ZNF407: variants seen among roughly 807,000 people sequenced by gnomAD.
ZNF407 encodes zinc finger protein 407.
ZNF407 carries 17 observed loss-of-function variants against 131.2 expected under a neutral mutation model. The observed-to-expected ratio is 0.13, with a 90% CI of 0.09 to 0.19. The LOEUF (loss-of-function observed/expected upper bound fraction) is 0.19, where lower values mean the gene tolerates loss of function less well. Among genes scored for constraint, ZNF407 ranks in the 10% least tolerant of loss-of-function variants. The pLI is 1.00. For missense variants in ZNF407, 2,681 were observed against 2,830.6 expected (o/e 0.95, Z 1.20); for synonymous variants, 1,156 against 1,062.0 (o/e 1.09, Z -1.72).
At chr18:74,806,044 C>T (rs961230263) in intron 4 of ZNF407, among the ~76,000 whole-genome samples, 1 of 152,092 alleles carries the variant, frequency 6.6e-6, no homozygotes, top group African/African-American at 2.4e-5. Context: ...AATGATTTAT[C>T]CTTATACACT....
At chr18:74,835,153 G>A (rs1970537555) in intron 4 of ZNF407, among the ~76,000 whole-genome samples, 1 of 152,082 alleles carries the variant, frequency 6.6e-6, no homozygotes, top group Non-Finnish European at 1.5e-5. Flanking sequence ...TCCTGACCTG[G>A]GAGACAGCAA....
intron 1 of ZNF407, among the ~76,000 whole-genome samples, chr18:74,629,511 T>C (rs1983951615): frequency 6.6e-6 from 1 of 152,230 alleles, no homozygotes; most frequent in Non-Finnish European, 1.5e-5. Context: ...ACTTTCTTGA[T>C]AGTGGCTTTT....
At chr18:74,766,277 G>A (rs1041385227) in intron 3 of ZNF407, among the ~76,000 whole-genome samples, 2 of 152,184 alleles carry the variant, frequency 1.3e-5, no homozygotes, top group African/African-American at 4.8e-5. Context: ...CCACAGGCAT[G>A]AGTGGGAGCT....
chr18:74,649,456 G>A (rs1462334339), intron 3 of ZNF407, among the ~76,000 whole-genome samples: 2 of 152,166 alleles, frequency 1.3e-5, no homozygotes, highest in Non-Finnish European at 2.9e-5. Context: ...TTTTTACATT[G>A]TGGCTAGGGA....
At chr18:74,923,531 G>A (rs1288368192) in intron 8 of ZNF407, among the ~76,000 whole-genome samples, 1 of 152,062 alleles carries the variant, frequency 6.6e-6, no homozygotes, top group Non-Finnish European at 1.5e-5. Context: ...TGTTTAGTTT[G>A]TTCACTGTGT....
intron 3 of ZNF407, among the ~76,000 whole-genome samples, chr18:74,710,283 T>C (rs910432154): frequency 6.6e-6 from 1 of 152,230 alleles, no homozygotes; most frequent in African/African-American, 2.4e-5. Context: ...ACCTCTCTAG[T>C]GTAGCATGAG....
Position 74,607,450 on chromosome 18 carries a change from A to G in ZNF407, c.-54+9513A>G, listed in dbSNP as rs534090314. ...CTAGTTCTTTAATTTTATGTTAGAA[A>G]AAAGAAATGCACATAGTGATTAGAT... On this transcript the variant is annotated intron_variant, in intron 1 of 8. Transcript: ENST00000299687. Among the ~76,000 whole-genome samples the G allele has an allele frequency of 4.6e-5, 7 of 152,072 alleles. No individual in the cohort carries two copies. The East Asian group carries it at 1.3e-3, about 29-fold the overall frequency.
At chr18:75,007,729 A>C (rs2122174252) in intron 8 of ZNF407, among the ~76,000 whole-genome samples, 1 of 152,296 alleles carries the variant, frequency 6.6e-6, no homozygotes, top group East Asian at 1.9e-4. Flanking sequence ...AGGTCCATAG[A>C]ATAAAGGAAA....
chr18:74,872,998 ACTTAC>A (rs34508944), intron 4 of ZNF407, among the ~76,000 whole-genome samples: 3,983 of 152,262 alleles, frequency 0.026, 164 homozygotes, highest in African/African-American at 0.089. Flanking sequence ...TTTTTAGGAT[ACTTAC>A]CTTAGTAATG....
intron 8 of ZNF407, among the ~76,000 whole-genome samples, chr18:75,034,264 A>G (rs1192886943): frequency 6.7e-6 from 1 of 149,042 alleles, no homozygotes; most frequent in Non-Finnish European, 1.5e-5. Flanking sequence ...TTTGATCTAT[A>G]CCAAAATAAC....
chr18:74,975,960 G>A (rs111300274), intron 8 of ZNF407, among the ~76,000 whole-genome samples: 18 of 152,264 alleles, frequency 1.2e-4, no homozygotes, highest in South Asian at 4.2e-4. Context: ...ATTGTCTCTC[G>A]TTCAGCTAAC....
chr18:75,038,334 GT>G (rs1022357189), intron 8 of ZNF407, among the ~76,000 whole-genome samples: 1 of 151,764 alleles, frequency 6.6e-6, no homozygotes, highest in Admixed American at 6.6e-5. Flanking sequence ...AGTGTCTGAG[GT>G]TTTTTTTTCC....
chr18:75,029,162 T>C (rs1011995822), intron 8 of ZNF407, among the ~76,000 whole-genome samples: 3 of 152,198 alleles, frequency 2.0e-5, no homozygotes, highest in Middle Eastern at 3.2e-3. Flanking sequence ...ATGCTTTCCA[T>C]GTTCTGCTTG....
chr18:74,792,200 AC>A (rs1156980874), intron 4 of ZNF407, among the ~76,000 whole-genome samples: 2 of 152,256 alleles, frequency 1.3e-5, no homozygotes, highest in South Asian at 2.1e-4. Flanking sequence ...TTTTAAAAAA[AC>A]ATTCAAGAGC....
intron 8 of ZNF407, among the ~76,000 whole-genome samples, chr18:74,923,262 C>T (rs1369973712): frequency 4.0e-5 from 6 of 149,122 alleles, no homozygotes; most frequent in South Asian, 2.1e-4. Flanking sequence ...TATTTGTAAA[C>T]GTAATATTCC....
intron 3 of ZNF407, among the ~76,000 whole-genome samples, chr18:74,689,445 A>G (rs1034105690): frequency 6.6e-6 from 1 of 152,210 alleles, no homozygotes; most frequent in Non-Finnish European, 1.5e-5. Context: ...ATCCCCTTGC[A>G]TTGTGGTTGC....
intron 6 of ZNF407, among the ~76,000 whole-genome samples, chr18:74,885,267 T>A (rs950912195): frequency 2.6e-5 from 4 of 152,118 alleles, no homozygotes; most frequent in African/African-American, 9.7e-5. Context: ...TGTTTTTAAA[T>A]AAGACACCAT....
chr18:74,948,636 A>G (rs900251091), intron 8 of ZNF407, among the ~76,000 whole-genome samples: 2 of 152,220 alleles, frequency 1.3e-5, no homozygotes, highest in Admixed American at 1.3e-4. Context: ...TCTTAAAAAA[A>G]TAATTCTCTC....
chr18:74,897,375 AT>A (rs1419841232), intron 7 of ZNF407, among the ~76,000 whole-genome samples: 14 of 152,210 alleles, frequency 9.2e-5, no homozygotes, highest in African/African-American at 3.1e-4. Context: ...GGGATCACAG[AT>A]TAATTAGAAG....
Sources: gnomAD v4.1 joint callset for allele counts (sites outside exome capture counted in the v4.1 genomes callset) on GRCh38, gnomAD v4.1.1 for gene constraint, MANE v1.5 for transcripts, NCBI Gene and HGNC (gene_info 2026-07-23, HGNC 2026-07-21) for gene names.